MBNL2: variants seen among roughly 807,000 people sequenced by gnomAD.
MBNL2 encodes the protein muscleblind-like protein 2.
MBNL2 carries 17 observed loss-of-function variants against 41.9 expected under a neutral mutation model. The observed-to-expected ratio is 0.41, with a 90% confidence interval of 0.28 to 0.61. The LOEUF is 0.61. Ranked by LOEUF, MBNL2 falls within the 20% of genes least tolerant of loss-of-function variation. The pLI is 0.35. For missense variants in MBNL2, 336 were observed against 505.6 expected (o/e 0.66, Z 3.22); for synonymous variants, 195 against 182.9 (o/e 1.07, Z -0.53).
At chr13:97,214,854 G>A in the MBNL2 span, among the ~76,000 whole-genome samples, 1 of 152,238 alleles carries the variant, frequency 6.6e-6, no homozygotes, top group Non-Finnish European at 1.5e-5. Context: ...GTCAGGAGCT[G>A]CAAAAGAAGT....
chr13:97,185,257 A>G, the MBNL2 span, among the ~76,000 whole-genome samples: 1 of 152,238 alleles, frequency 6.6e-6, no homozygotes, highest in African/African-American at 2.4e-5. Flanking sequence ...GCAGTAAATA[A>G]TTCACATCAC....
intron 1 of MBNL2, among the ~76,000 whole-genome samples, chr13:97,247,338 A>G (rs1160360920): frequency 1.3e-5 from 2 of 152,218 alleles, no homozygotes; most frequent in Non-Finnish European, 2.9e-5. Context: ...ATAAAAACCA[A>G]CAGGGCACTG....
intron 1 of MBNL2, among the ~76,000 whole-genome samples, chr13:97,233,201 G>A (rs1279083099): frequency 8.6e-6 from 1 of 116,620 alleles, no homozygotes; most frequent in Non-Finnish European, 1.7e-5. Flanking sequence ...TTAAGTTCTA[G>A]GGTACATGTG....
chr13:97,364,886 A>G (rs1190634694), intron 7 of MBNL2, among the ~76,000 whole-genome samples: 1 of 152,232 alleles, frequency 6.6e-6, no homozygotes, highest in African/African-American at 2.4e-5. Flanking sequence ...TCTTATTAGA[A>G]TCATGTCGAT....
rs147756459 is a variant in MBNL2 at position 97,268,951 on chromosome 13, C to T, written c.-604-6681C>T. Among the ~76,000 whole-genome samples the T allele has an allele frequency of 2.0e-4, 30 of 152,228 alleles. No homozygotes were observed. The highest frequency in any genetic ancestry group is 1.7e-3 in the East Asian group (9 of 5,166). On this transcript the variant is annotated intron_variant, in intron 1 of 8. Transcript: ENST00000679496. The surrounding 1 kb of genome is among the most constrained non-coding windows in gnomAD (Gnocchi z 4.6). The stretch of plus-strand genomic sequence containing the variant: ...AAAAGGGAAAGGACGAAGGAGGGGG[C>T]GCTGTTCCGGATGCAGGCCCGTGAG...
intron 2 of MBNL2, among the ~76,000 whole-genome samples, chr13:97,308,043 C>CT (rs1450605631): frequency 2.0e-5 from 3 of 152,218 alleles, no homozygotes; most frequent in African/African-American, 7.2e-5. Context: ...AGCCATAGAG[C>CT]TATTATAATA....
At chr13:97,332,154 A>T (rs1021203086) in intron 2 of MBNL2, among the ~76,000 whole-genome samples, 4 of 152,212 alleles carry the variant, frequency 2.6e-5, no homozygotes, top group African/African-American at 9.6e-5. Flanking sequence ...CCTTGAATAC[A>T]TGAGCCTTTC....
intron 2 of MBNL2, among the ~76,000 whole-genome samples, chr13:97,333,968 A>AAGGG (rs71733629): frequency 0.24 from 30,258 of 123,896 alleles, 3,976 homozygotes; most frequent in Non-Finnish European, 0.28. Flanking sequence ...GGAAGGAAGG[A>AAGGG]AGGGAGGGAG....
intron 8 of MBNL2, among the ~76,000 whole-genome samples, chr13:97,386,256 TA>T (rs1170366888): frequency 1.3e-5 from 2 of 152,218 alleles, no homozygotes; most frequent in African/African-American, 2.4e-5. Flanking sequence ...CATCCAGACT[TA>T]GTGAATATAG....
intron 1 of MBNL2, among the ~76,000 whole-genome samples, chr13:97,233,145 A>G (rs1286242871): frequency 2.4e-5 from 2 of 81,802 alleles, no homozygotes; most frequent in East Asian, 1.5e-3. Flanking sequence ...ATATATATAT[A>G]TATATATATA....
intron 2 of MBNL2, among the ~76,000 whole-genome samples, chr13:97,297,358 G>T (rs961118450): frequency 6.6e-6 from 1 of 152,130 alleles, no homozygotes; most frequent in Admixed American, 6.5e-5. Flanking sequence ...TACCAGGAAG[G>T]GTCTCCATGT....
At chr13:97,151,992 G>T in the MBNL2 span, among the ~76,000 whole-genome samples, 1 of 152,178 alleles carries the variant, frequency 6.6e-6, no homozygotes, top group South Asian at 2.1e-4. Context: ...AGACAACCAA[G>T]GATGACCAGT....
chr13:97,145,600 A>G, the MBNL2 span, among the ~76,000 whole-genome samples: 1 of 152,228 alleles, frequency 6.6e-6, no homozygotes, highest in East Asian at 1.9e-4. Flanking sequence ...AGTTGGCAGC[A>G]CGTATTCTGT....
Position 97,275,012 on chromosome 13 carries a change from A to C in MBNL2, c.-604-620A>C, listed in dbSNP as rs902076184. Among the ~76,000 whole-genome samples the C allele has an allele frequency of 2.6e-5, 4 of 152,244 alleles. No homozygotes were observed. In the East Asian group the frequency reaches 7.7e-4, roughly 29 times the overall value. ...CCGTAGACTAAGGCACTGGGAATAC[A>C]GAAATGAAAACTACAAAGAATAGTC... On this transcript the variant is annotated intron_variant, in intron 1 of 8. Coordinates refer to ENST00000679496, the MANE Select transcript of MBNL2 (RefSeq NM_001382683.1).
intron 8 of MBNL2, among the ~76,000 whole-genome samples, chr13:97,378,351 A>G (rs1314915939): frequency 6.6e-6 from 1 of 152,236 alleles, no homozygotes; most frequent in African/African-American, 2.4e-5. Flanking sequence ...TTACTAACTT[A>G]TGTATGGTAA....
chr13:97,316,700 C>T (rs141576598), intron 2 of MBNL2, among the ~76,000 whole-genome samples: 1 of 152,332 alleles, frequency 6.6e-6, no homozygotes. Flanking sequence ...TGCTGAATTA[C>T]TTTCTTAGTG....
chr13:97,154,981 T>C, the MBNL2 span, among the ~76,000 whole-genome samples: 1 of 152,154 alleles, frequency 6.6e-6, no homozygotes, highest in Non-Finnish European at 1.5e-5. Flanking sequence ...AAAAAACCTT[T>C]TGGACAGACC....
chr13:97,222,954 C>T (rs1340331836), intron 1 of MBNL2, among the ~76,000 whole-genome samples: 1 of 152,048 alleles, frequency 6.6e-6, no homozygotes, highest in Non-Finnish European at 1.5e-5. Flanking sequence ...AAATAATCAT[C>T]GGTTGAATGT....
intron 2 of MBNL2, among the ~76,000 whole-genome samples, chr13:97,322,105 G>T (rs1011668764): frequency 6.6e-6 from 1 of 152,188 alleles, no homozygotes; most frequent in African/African-American, 2.4e-5. Flanking sequence ...GCATAGAGCA[G>T]ATGCTCCAAA....
Sources: gnomAD v4.1 joint callset for allele counts (sites outside exome capture counted in the v4.1 genomes callset) on GRCh38, gnomAD v4.1.1 for gene constraint, Gnocchi (gnomAD v3.1) non-coding constraint, MANE v1.5 for transcripts, NCBI Gene and HGNC (gene_info 2026-07-23, HGNC 2026-07-21) for gene names.